FRYL: variants seen among roughly 807,000 people sequenced by gnomAD.
FRYL encodes the protein FRY like transcription coactivator.
FRYL carries 150 observed loss-of-function variants against 351.2 expected under a neutral mutation model. The observed-to-expected ratio is 0.43, with a 90% CI of 0.37 to 0.49. The LOEUF (loss-of-function observed/expected upper bound fraction) is 0.49, where lower values mean the gene tolerates loss of function less well. Ranked by LOEUF, FRYL falls within the 20% of genes least tolerant of loss-of-function variation. The probability of loss-of-function intolerance (pLI) is 0.00; values close to 1 mark genes in which losing one functional copy is unlikely to be tolerated. For synonymous variants in FRYL, 1,153 were observed against 1,257.1 expected (o/e 0.92, Z 1.75); for missense variants, 3,036 against 3,619.3 (o/e 0.84, Z 4.13).
At chr4:48,634,266 AG>A in intron 4 of FRYL, 24 bp downstream of exon 4, 1 of 1,550,286 alleles carries the variant, frequency 6.5e-7, no homozygotes, top group East Asian at 2.2e-5. Flanking sequence ...AAAATATTTC[AG>A]ATTTATAGGT....
intron 3 of FRYL, among the ~76,000 whole-genome samples, chr4:48,656,740 A>ATATG (rs1759301957): frequency 2.0e-5 from 3 of 148,888 alleles, no homozygotes; most frequent in African/African-American, 7.4e-5. Context: ...ATATATATAT[A>ATATG]TATTTATTTA....
At chr4:48,746,674 G>C (rs1439983655) in intron 1 of FRYL, among the ~76,000 whole-genome samples, 1 of 152,162 alleles carries the variant, frequency 6.6e-6, no homozygotes, top group East Asian at 1.9e-4. Flanking sequence ...TCCACAAACA[G>C]AATGTGGCAG....
At chr4:48,732,331 G>A (rs1578862327) in intron 1 of FRYL, among the ~76,000 whole-genome samples, 1 of 152,082 alleles carries the variant, frequency 6.6e-6, no homozygotes. Flanking sequence ...GTTGGTGGGA[G>A]TATAAATTAG....
Position 48,634,325 on chromosome 4 carries a change from T to G in FRYL, c.86A>C (p.Glu29Ala). The change falls in exon 4 of 64, where the codon GAA (glutamate) becomes GCA (alanine). Residue 29 changes from glutamate (E) to alanine (A), a missense_variant. Around this residue, in one of 7 missense-constraint regions of FRYL, gnomAD observed 457 missense variants for 566.6 expected, o/e 0.81. Transcript: ENST00000358350. ...GGCCATTACAACTTCAATTTTCTTT[T>G]CAGCTTGAACAGCAAATTCTGCAAA... ...SLFAEFAVQA[E>A]KKIEVVMAEP... The G allele has an allele frequency of 1.2e-6, 2 of 1,613,782 alleles. No individual in the cohort carries two copies. The highest frequency in any genetic ancestry group is 1.7e-6 in the Non-Finnish European group (2 of 1,179,744).
intron 62 of FRYL, 35 bp downstream of exon 62, chr4:48,501,588 T>C (rs1437097843): frequency 8.7e-7 from 1 of 1,143,938 alleles, no homozygotes; most frequent in Non-Finnish European, 1.3e-6. Context: ...TTTTTTAGAA[T>C]CAGTTACTGA....
intron 18 of FRYL, among the ~76,000 whole-genome samples, chr4:48,588,638 G>A (rs974758054): frequency 6.6e-6 from 1 of 152,102 alleles, no homozygotes; most frequent in Non-Finnish European, 1.5e-5. Context: ...GTAACTGTTT[G>A]GAAAACACCC....
chr4:48,599,894 G>C (rs1745352267), intron 13 of FRYL, among the ~76,000 whole-genome samples: 1 of 152,108 alleles, frequency 6.6e-6, no homozygotes, highest in Admixed American at 6.6e-5. Context: ...AATAACTTGA[G>C]GTCAGGAGTT....
chr4:48,705,185 C>T (rs1303374147), intron 2 of FRYL, among the ~76,000 whole-genome samples: 1 of 151,628 alleles, frequency 6.6e-6, no homozygotes, highest in Admixed American at 6.6e-5. Context: ...TAAGAACCTG[C>T]CCCAAACACA....
At chr4:48,758,781 C>T (rs553083379) in intron 1 of FRYL, among the ~76,000 whole-genome samples, 1 of 152,134 alleles carries the variant, frequency 6.6e-6, no homozygotes, top group Non-Finnish European at 1.5e-5. Context: ...CACATGAACA[C>T]GTATGTTTAT....
rs1220435303 is a variant in FRYL at position 48,576,073 on chromosome 4, G to A, written c.2678C>T (p.Thr893Met). Residue 893 changes from threonine (T) to methionine (M), a missense_variant, in exon 24 of 64, where the codon ACG (threonine) becomes ATG (methionine). Transcript: ENST00000358350. ...GCCGCTATCTGGGGTAGACGCCAGC[G>A]TCTCAGGAGGAGAACATCTCACAGA... is the stretch of plus-strand genomic sequence containing the variant. The part of the protein sequence containing the change: ...AGSVRCSPPE[T>M]LASTPDSGYS... The A allele has an allele frequency of 1.3e-5, 21 of 1,613,158 alleles. 1 individual carries two copies. The highest frequency in any genetic ancestry group is 5.0e-5 in the Admixed American group (3 of 59,838).
chr4:48,654,043 CAGA>C (rs1758276348), intron 3 of FRYL: 2 of 570,350 alleles, frequency 3.5e-6, no homozygotes, highest in South Asian at 5.6e-5. Flanking sequence ...TATAAGTGCC[CAGA>C]AGGACACCCT....
At chr4:48,707,207 GCAT>G (rs1285946992) in intron 2 of FRYL, among the ~76,000 whole-genome samples, 1 of 151,938 alleles carries the variant, frequency 6.6e-6, no homozygotes, top group Non-Finnish European at 1.5e-5. Flanking sequence ...ATTTTTATTT[GCAT>G]CATGATTTTT....
chr4:48,536,262 T>C (rs536883921), intron 47 of FRYL, among the ~76,000 whole-genome samples: 1 of 152,306 alleles, frequency 6.6e-6, no homozygotes, highest in South Asian at 2.1e-4. Flanking sequence ...AGCCTCCAGC[T>C]GTGCCCGGGG....
At chr4:48,637,172 C>G (rs545769961) in intron 3 of FRYL, 3 of 152,044 alleles carry the variant, frequency 2.0e-5, no homozygotes, top group African/African-American at 7.2e-5. Flanking sequence ...AGGACATGAA[C>G]AAGCAAGTTA....
chr4:48,550,531 AATG>A (rs1441670682), intron 38 of FRYL, 58 bp downstream of exon 38: 1 of 966,850 alleles, frequency 1.0e-6, no homozygotes, highest in South Asian at 1.4e-5. Context: ...TATTAACATT[AATG>A]TAATTAACAA....
intron 13 of FRYL, among the ~76,000 whole-genome samples, chr4:48,597,747 G>T (rs1304312362): frequency 6.6e-6 from 1 of 152,032 alleles, no homozygotes; most frequent in Non-Finnish European, 1.5e-5. Context: ...AAATATAAAA[G>T]TATTTGGATT....
intron 13 of FRYL, among the ~76,000 whole-genome samples, chr4:48,599,707 G>A (rs1203031627): frequency 6.6e-6 from 1 of 152,144 alleles, no homozygotes; most frequent in Non-Finnish European, 1.5e-5. Flanking sequence ...CGAAACACGG[G>A]TTACTTGTTT....
chr4:48,504,920 A>AAAG, intron 60 of FRYL, among the ~76,000 whole-genome samples: 1 of 152,140 alleles, frequency 6.6e-6, no homozygotes, highest in Non-Finnish European at 1.5e-5. Context: ...GTAGAATATA[A>AAAG]AAGACTGGAA....
rs560857985 is a variant in FRYL at position 48,636,828 on chromosome 4, T to C, written c.-80-2338A>G. The C allele has an allele frequency of 1.4e-3, 214 of 152,206 alleles. 1 individual carries two copies. The highest frequency in any genetic ancestry group is 4.5e-3 in the African/African-American group (189 of 41,566). The allele number at this position is 152,206 out of a possible 1,614,324, so 9.4% of individuals were successfully genotyped here. On this transcript the variant is annotated intron_variant, in intron 3 of 63. Transcript: ENST00000358350. ...AATTATTAATATAAAAAAGTAACAA[T>C]GAACAGATCTACTGATTGAAATTCC...
Sources: gnomAD v4.1 joint callset for allele counts (sites outside exome capture counted in the v4.1 genomes callset) on GRCh38, gnomAD v4.1.1 for gene constraint, gnomAD v4.1.1 regional missense constraint, MANE v1.5 for transcripts, NCBI Gene and HGNC (gene_info 2026-07-23, HGNC 2026-07-21) for gene names.